Variants in POLD1 observed in about 807,000 individuals in gnomAD.
POLD1 encodes the protein DNA polymerase delta catalytic subunit.
POLD1 carries 79 observed loss-of-function variants against 129.7 expected under a neutral mutation model. The ratio of observed to expected loss-of-function variants is 0.61; its 90% CI spans 0.51 to 0.73. POLD1 has a LOEUF of 0.73. Among genes scored for constraint, POLD1 ranks in the 30% least tolerant of loss-of-function variants. POLD1 has a pLI of 0.00. For synonymous variants in POLD1, 714 were observed against 683.3 expected, an observed-to-expected ratio of 1.04 and a Z score of -0.70; for missense variants, 1,338 against 1,595.8, an observed-to-expected ratio of 0.84 and a Z score of 2.75.
At chr19:50,416,870 A>G in intron 24 of POLD1, 147 bp downstream of exon 24, 1 of 935,986 alleles carries the variant, frequency 1.1e-6, no homozygotes, top group Non-Finnish European at 1.6e-6. Flanking sequence ...CACCCCCCAC[A>G]GAGGGTCCTC....
intron 1 of POLD1, among the ~76,000 whole-genome samples, chr19:50,391,367 A>C (rs2122122111): frequency 6.6e-6 from 1 of 152,236 alleles, no homozygotes; most frequent in East Asian, 1.9e-4. Flanking sequence ...TGGAGGTTGT[A>C]GCGAGCCGAG....
intron 1 of POLD1, among the ~76,000 whole-genome samples, chr19:50,386,649 G>A (rs906265977): frequency 5.3e-5 from 8 of 152,344 alleles, no homozygotes; most frequent in Middle Eastern, 3.4e-3. Flanking sequence ...TGAGTCTCTG[G>A]ATGCAGTGGA....
rs878854529 is a variant in POLD1 at position 50,409,154 on chromosome 19, C to G, written c.1925C>G (p.Thr642Ser). 4 of 1,613,510 alleles carry G rather than the reference C, an allele frequency of 2.5e-6. No homozygotes were observed. Among genetic ancestry groups the G allele is most frequent in the Non-Finnish European group, 3.4e-6 (4 of 1,179,548 alleles). ...GAGGATCAGTTCATCAGGACCCCCA[C>G]CGGGGACGAGTTTGTGAAGACCTCA... is the stretch of plus-strand genomic sequence containing the variant. ...LTEDQFIRTP[T>S]GDEFVKTSVR... The change falls in exon 16 of 27, where the codon ACC becomes AGC. Residue 642 changes from threonine (T) to serine (S), a missense_variant. By Grantham distance (58) the Thr-to-Ser change is moderately conservative (BLOSUM62 1). Around this residue, in one of 3 missense-constraint regions of POLD1, gnomAD observed 720 missense variants for 1,002.6 expected, o/e 0.72. Coordinates refer to ENST00000440232, the MANE Select transcript of POLD1 (RefSeq NM_002691.4). This position sits in a 1 kb window ranked among gnomAD's most constrained non-coding sequence, Gnocchi z 5.8.
chr19:50,413,284 C>A, intron 17 of POLD1, 142 bp from the exon 18 acceptor site: 1 of 664,766 alleles, frequency 1.5e-6, no homozygotes, highest in Non-Finnish European at 2.6e-6. Context: ...GATTTGGGAA[C>A]TGAGGCCCAG....
At chr19:50,416,804 C>CGGCT in intron 24 of POLD1, 81 bp downstream of exon 24, 1 of 1,166,368 alleles carries the variant, frequency 8.6e-7, no homozygotes. Context: ...CCCACCCCAT[C>CGGCT]GGCTGGCACT....
At chr19:50,411,071 C>A (rs879663461) in intron 17 of POLD1, 1 of 151,472 alleles carries the variant, frequency 6.6e-6, no homozygotes, top group Middle Eastern at 3.4e-3. Flanking sequence ...GAGCCTCCCA[C>A]GTTAGCCTCC....
intron 17 of POLD1, among the ~76,000 whole-genome samples, chr19:50,411,261 A>T (rs2039078439): frequency 6.6e-6 from 1 of 152,178 alleles, no homozygotes; most frequent in Non-Finnish European, 1.5e-5. Flanking sequence ...TGAATCGCTC[A>T]CTGCATGCTC....
At chr19:50,416,844 G>A in intron 24 of POLD1, 121 bp downstream of exon 24, 1 of 952,070 alleles carries the variant, frequency 1.1e-6, no homozygotes, top group Non-Finnish European at 1.5e-6. Flanking sequence ...GCCCCTGGGT[G>A]GGTGGCCCCT....
At chr19:50,396,064 ATTG>A (rs954587773) in intron 1 of POLD1, among the ~76,000 whole-genome samples, 9 of 144,804 alleles carry the variant, frequency 6.2e-5, no homozygotes, top group African/African-American at 1.5e-4. Context: ...TTGGGTTTTA[ATTG>A]TTGTTGTTGG....
chr19:50,417,717 C>T (rs1433496804), intron 26 of POLD1, 125 bp from the exon 27 acceptor site: 12 of 366,310 alleles, frequency 3.3e-5, no homozygotes, highest in Admixed American at 6.7e-5. Flanking sequence ...CAGCCCGCTG[C>T]GGGAGGGGGC....
Position 50,399,013 on chromosome 19 carries a change from G to A in POLD1, c.162G>A (p.Glu54=), listed in dbSNP as rs977829339. ...CAGAACACAGGCTGCAGGAGCAGGA[G>A]GAGGAGGAGCTGCAGTCAGTCCTGG... is the stretch of plus-strand genomic sequence containing the variant. ...MEAEHRLQEQ[E]EEELQSVLEG... is the part of the protein sequence containing the mutation. Residue 54 remains glutamate, a synonymous_variant, in exon 2 of 27, where the codon GAG becomes GAA. Transcript: ENST00000440232. 4.5e-5 allele frequency: 71 copies of A among 1,561,518 alleles called. No individual in the cohort carries two copies. Among genetic ancestry groups the A allele is most frequent in the Non-Finnish European group, 5.9e-5 (68 of 1,152,590 alleles).
chr19:50,402,907 G>A (rs3219380), intron 8 of POLD1, 146 bp from the exon 9 acceptor site: 1 of 1,322,108 alleles, frequency 7.6e-7, no homozygotes, highest in Non-Finnish European at 1.0e-6. Flanking sequence ...AGATGGCCTG[G>A]AGGTGAGAGC....
Position 50,407,549 on chromosome 19 carries a change from TTTTA to T in POLD1, c.1775+142_1775+145del, listed in dbSNP as rs2038941683. ...CCCCTGCTCCACAAAATTTTTTTATTTTTATTTATTTTTATTTTTATTTTTTTGA... is the reference window on the plus strand; with the variant it reads ...CCCCTGCTCCACAAAATTTTTTTATTTTTATTTTTATTTTTATTTTTTTGA... On this transcript the variant is annotated intron_variant, in intron 14 of 26. Transcript: ENST00000440232. 4 of 408,314 alleles carry T rather than the reference TTTTA, an allele frequency of 9.8e-6. No individual in the cohort carries two copies. In the East Asian group the frequency reaches 1.4e-4, roughly 15 times the overall value. 25.3% of individuals were successfully genotyped at this position (408,314 alleles called of 1,614,324 possible). A position where few individuals can be genotyped will look rare whatever the true frequency, so the allele number is the denominator to read the frequency against.
chr19:50,391,342 C>T (rs1184144980), intron 1 of POLD1, among the ~76,000 whole-genome samples: 1 of 152,160 alleles, frequency 6.6e-6, no homozygotes, highest in African/African-American at 2.4e-5. Flanking sequence ...GAGGCCAAGG[C>T]AGGCGGCTGG....
Position 50,406,870 on chromosome 19 carries a change from C to G in POLD1, c.1495-113C>G. 5.0e-5 allele frequency: 43 copies of G among 866,040 alleles called. No homozygotes were observed. The highest frequency in any genetic ancestry group is 6.4e-5 in the Non-Finnish European group (36 of 560,084). 53.6% of individuals were successfully genotyped at this position (866,040 alleles called of 1,614,324 possible). A position where few individuals can be genotyped will look rare whatever the true frequency, so the allele number is the denominator to read the frequency against. ...ACGACTTGGAGGGCCCTCCTGCCCG[C>G]CTCACCTCCCAGGCCCTCCCCAGGC... On this transcript the variant is annotated intron_variant, in intron 12 of 26. Transcript: ENST00000440232. This position sits in a 1 kb window ranked among gnomAD's most constrained non-coding sequence, Gnocchi z 5.5.
rs2122234602 is a variant in POLD1, at chr19:50,401,902, C to A, written c.441C>A (p.Tyr147Ter). The A allele has an allele frequency of 6.2e-7, 1 of 1,614,056 alleles. No homozygotes were observed. Among genetic ancestry groups the A allele is most frequent in the Non-Finnish European group, 8.5e-7 (1 of 1,179,964 alleles). Residue 147 changes from tyrosine to a stop codon, truncating the protein, a stop_gained, in exon 4 of 27, where the codon TAC (tyrosine) becomes TAA (stop). Transcript: ENST00000440232. LOFTEE classifies it high-confidence loss of function. ...VCCHIHGFAP[Y>*]FYTPAPPGFG... The stretch of plus-strand genomic sequence containing the variant: ...GCCACATCCACGGCTTCGCTCCCTA[C>A]TTCTACACCCCAGCGCCCCCTGGTG...
chr19:50,391,901 A>G (rs1306324054), intron 1 of POLD1, among the ~76,000 whole-genome samples: 18 of 151,494 alleles, frequency 1.2e-4, no homozygotes, highest in Admixed American at 1.2e-3. Context: ...TTTTTAGTAT[A>G]GACGGGGTTT....
chr19:50,413,397 T>C, intron 17 of POLD1, 29 bp from the exon 18 acceptor site: 1 of 1,598,140 alleles, frequency 6.3e-7, no homozygotes, highest in East Asian at 2.2e-5. Context: ...CCCCCAGGGC[T>C]TCACTCCGCA....
chr19:50,402,748 C>G lies in POLD1; in HGVS notation c.970+7C>G, dbSNP rs1277454071. 6.3e-7 allele frequency: 1 copy of G among 1,580,942 alleles called. No individual in the cohort carries two copies. Among genetic ancestry groups the G allele is most frequent in the Non-Finnish European group, 8.6e-7 (1 of 1,158,748 alleles). Reference sequence around the variant, plus strand: ...GAGTGCGCCGGCCGCAAAGGTCTGTCCCCGGGCCCGGGCTCCTGCCCGCCT... The same window carrying G: ...GAGTGCGCCGGCCGCAAAGGTCTGTGCCCGGGCCCGGGCTCCTGCCCGCCT... On this transcript the variant is annotated splice_region_variant and intron_variant, in intron 8 of 26. Coordinates refer to ENST00000440232, the MANE Select transcript of POLD1 (RefSeq NM_002691.4).
Sources: gnomAD v4.1 joint callset for allele counts (sites outside exome capture counted in the v4.1 genomes callset) on GRCh38, gnomAD v4.1.1 for gene constraint, gnomAD v4.1.1 regional missense constraint, Gnocchi (gnomAD v3.1) non-coding constraint, MANE v1.5 for transcripts, NCBI Gene and HGNC (gene_info 2026-07-23, HGNC 2026-07-21) for gene names.